Variants in AFP observed in about 807,000 individuals in gnomAD.
AFP encodes alpha-fetoprotein.
Under a neutral mutation model 78.9 loss-of-function variants are expected in AFP, and 64 were observed. That is an observed-to-expected ratio of 0.81 (90% confidence interval 0.66 to 1.00). The LOEUF is 1.00. AFP is among the 50% of genes least tolerant of loss of function. The pLI is 0.00. For synonymous variants in AFP, 254 were observed against 243.8 expected, an observed-to-expected ratio of 1.04 and a Z score of -0.39; for missense variants, 689 against 703.8, an observed-to-expected ratio of 0.98 and a Z score of 0.24.
At position 73,454,400 on chromosome 4, in the gene AFP, A is replaced by G. The variant is rs111421274; in HGVS notation, c.1785+503A>G. On this transcript the variant is annotated intron_variant, in intron 13 of 14. Coordinates refer to ENST00000395792, the MANE Select transcript of AFP (RefSeq NM_001134.3). Reference sequence around the variant, plus strand: ...TGGATAATTAGCCAGATTTTCTTTAACCAGGGGATTCTACCTAACATTTAA... The same window carrying G: ...TGGATAATTAGCCAGATTTTCTTTAGCCAGGGGATTCTACCTAACATTTAA... 6.5e-3 allele frequency among the ~76,000 whole-genome samples: 982 copies of G among 152,146 alleles called. 10 individuals are homozygous for G. Among genetic ancestry groups the G allele is most frequent in the African/African-American group, 0.023 (936 of 41,546 alleles).
At chr4:73,455,187 G>A in intron 13 of AFP, 49 bp from the exon 14 acceptor site, 2 of 1,361,334 alleles carry the variant, frequency 1.5e-6, no homozygotes, top group African/African-American at 1.4e-5. Flanking sequence ...TGTATGATTG[G>A]TATAATAATC....
Position 73,449,834 on chromosome 4 carries a change from A to G in AFP, c.1192-202A>G, listed in dbSNP as rs189411859. Among the ~76,000 whole-genome samples the G allele has an allele frequency of 1.7e-3, 252 of 152,310 alleles. 3 individuals are homozygous for G. In the Middle Eastern group the frequency reaches 0.034, roughly 21 times the overall value. On this transcript the variant is annotated intron_variant, in intron 9 of 14. Coordinates refer to ENST00000395792, the MANE Select transcript of AFP (RefSeq NM_001134.3). ...TCCAAAGATTGAGTTTTGCCATTAA[A>G]TGATTTTGTGATTTATAAAATGTTA... is the stretch of plus-strand genomic sequence containing the variant.
chr4:73,442,389 C>T lies in AFP; in HGVS notation c.576C>T (p.Cys192=), dbSNP rs757145276. The change falls in exon 5 of 15, where the codon TGC becomes TGT. Residue 192 remains cysteine, a synonymous_variant. Transcript: ENST00000395792. ...AARYDKIIPS[C]CKAENAVECF... Reference sequence around the variant, plus strand: ...GCTATGACAAAATAATTCCATCTTGCTGCAAAGCTGAAAATGCAGTTGAAT... The same window carrying T: ...GCTATGACAAAATAATTCCATCTTGTTGCAAAGCTGAAAATGCAGTTGAAT... 12 of 1,613,966 alleles carry T rather than the reference C, an allele frequency of 7.4e-6. No individual in the cohort carries two copies. The Admixed American group carries it at 2.0e-4, about 27-fold the overall frequency.
rs35924362 is a variant in AFP, at chr4:73,442,407, A to C, written c.594A>C (p.Ala198=). ...CATCTTGCTGCAAAGCTGAAAATGCAGTTGAATGCTTCCAAACAAAGGTAT... is the reference window on the plus strand; with the variant it reads ...CATCTTGCTGCAAAGCTGAAAATGCCGTTGAATGCTTCCAAACAAAGGTAT... ...IIPSCCKAEN[A]VECFQTKAAT... The change falls in exon 5 of 15, where the codon GCA becomes GCC. Residue 198 remains alanine, a synonymous_variant. Transcript: ENST00000395792. 7,853 of 1,614,088 alleles carry C rather than the reference A, an allele frequency of 4.9e-3. 31 individuals are homozygous for C. Among genetic ancestry groups the C allele is most frequent in the Non-Finnish European group, 5.7e-3 (6,710 of 1,179,990 alleles).
At chr4:73,450,815 A>C in intron 11 of AFP, 62 bp downstream of exon 11, 2 of 1,610,980 alleles carry the variant, frequency 1.2e-6, no homozygotes, top group African/African-American at 2.7e-5. Context: ...AAATAGCCTC[A>C]TAATTCCCCT....
At chr4:73,450,934 A>G (rs1719974689) in intron 11 of AFP, among the ~76,000 whole-genome samples, 181 bp downstream of exon 11, 1 of 152,236 alleles carries the variant, frequency 6.6e-6, no homozygotes, top group South Asian at 2.1e-4. Flanking sequence ...GCATGTGGCC[A>G]TGCTTCCTAT....
rs150170033 is a variant in AFP, at chr4:73,454,557, A to C, written c.1785+660A>C. ...ATTATCACAATCAAGATAATTGGCT[A>C]AATTTTACAAATCTTTAGTTTGTAT... On this transcript the variant is annotated intron_variant, in intron 13 of 14. Coordinates refer to ENST00000395792, the MANE Select transcript of AFP (RefSeq NM_001134.3). Among the ~76,000 whole-genome samples, 873 of 152,300 alleles carry C rather than the reference A, an allele frequency of 5.7e-3. 3 individuals carry two copies. The highest frequency in any genetic ancestry group is 0.019 in the African/African-American group (777 of 41,580).
intron 7 of AFP, among the ~76,000 whole-genome samples, chr4:73,446,599 ATTAT>A: frequency 6.7e-6 from 1 of 148,468 alleles, no homozygotes; most frequent in Non-Finnish European, 1.5e-5. Context: ...GATAAAGATG[ATTAT>A]CATTCTTACG....
At chr4:73,455,182 G>A (rs2149337617) in intron 13 of AFP, 54 bp from the exon 14 acceptor site, 2 of 1,338,078 alleles carry the variant, frequency 1.5e-6, no homozygotes, top group East Asian at 2.3e-5. Flanking sequence ...TTAACTGTAT[G>A]ATTGGTATAA....
Position 73,450,035 on chromosome 4 carries a change from G to A in AFP, c.1192-1G>A. 2 of 1,608,416 alleles carry A rather than the reference G, an allele frequency of 1.2e-6. No individual in the cohort carries two copies. The highest frequency in any genetic ancestry group is 1.7e-6 in the Non-Finnish European group (2 of 1,175,426). ...TATATGTAATAATTCTTCATTTTCAGGAAGAAGAATTACAGAAATACATCC... is the reference window on the plus strand; with the variant it reads ...TATATGTAATAATTCTTCATTTTCAAGAAGAAGAATTACAGAAATACATCC... On this transcript the variant is annotated splice_acceptor_variant, in intron 9 of 14. Transcript: ENST00000395792. LOFTEE classifies it high-confidence loss of function.
intron 4 of AFP, among the ~76,000 whole-genome samples, chr4:73,441,121 G>T (rs1393389711): frequency 6.6e-6 from 1 of 151,420 alleles, no homozygotes; most frequent in Non-Finnish European, 1.5e-5. Flanking sequence ...CCTTGTTCAA[G>T]AATATATTAG....
chr4:73,444,598 A>G lies in AFP; in HGVS notation c.714-395A>G, dbSNP rs116061945. On this transcript the variant is annotated intron_variant, in intron 6 of 14. Coordinates refer to ENST00000395792, the MANE Select transcript of AFP (RefSeq NM_001134.3). ...ACGCCTCCTTTCCTGGATTCTCAGA[A>G]GTATTTTTTACCCCAGTAAAAAATG... Among the ~76,000 whole-genome samples, 480 of 152,272 alleles carry G rather than the reference A, an allele frequency of 3.2e-3. 4 individuals are homozygous for G. Among genetic ancestry groups the G allele is most frequent in the African/African-American group, 0.01 (428 of 41,554 alleles).
chr4:73,445,800 A>T (rs943618451), intron 7 of AFP, among the ~76,000 whole-genome samples: 1 of 152,174 alleles, frequency 6.6e-6, no homozygotes, highest in Non-Finnish European at 1.5e-5. Flanking sequence ...AAACCCAGCA[A>T]CAGTTTCTTG....
At chr4:73,450,533 T>C (rs757067689) in intron 10 of AFP, 82 bp from the exon 11 acceptor site, 3 of 1,594,914 alleles carry the variant, frequency 1.9e-6, no homozygotes, top group Admixed American at 3.4e-5. Flanking sequence ...GGCATGAGAG[T>C]AGAGAGTCTG....
At chr4:73,437,102 G>T in intron 1 of AFP, 58 bp from the exon 2 acceptor site, 1 of 1,270,536 alleles carries the variant, frequency 7.9e-7, no homozygotes, top group South Asian at 1.2e-5. Context: ...ATGTAACAAT[G>T]ATTACTTTCT....
In AFP at chr4:73,440,606, C is replaced by T; in HGVS notation, c.275C>T (p.Pro92Leu). ...AACATAAAATATTTCTTATAGCTAC[C>T]TGCCTTTCTGGAAGAACTTTGCCAT... ...QSSGCLENQL[P>L]AFLEELCHEK... The change falls in exon 4 of 15, where the codon CCT becomes CTT. Residue 92 changes from proline to leucine, a missense_variant. Pro to Leu is a moderately conservative substitution (Grantham distance 98). Coordinates refer to ENST00000395792, the MANE Select transcript of AFP (RefSeq NM_001134.3). 1.2e-6 allele frequency: 2 copies of T among 1,613,264 alleles called. No individual in the cohort carries two copies. The highest frequency in any genetic ancestry group is 1.7e-6 in the Non-Finnish European group (2 of 1,179,246).
At chr4:73,438,347 A>G in intron 3 of AFP, 41 bp downstream of exon 3, 1 of 1,578,342 alleles carries the variant, frequency 6.3e-7, no homozygotes, top group South Asian at 1.1e-5. Context: ...ATATTTGACA[A>G]AAATTTAGCA....
At chr4:73,438,136 G>A in intron 2 of AFP, 38 bp from the exon 3 acceptor site, 3 of 1,612,134 alleles carry the variant, frequency 1.9e-6, no homozygotes, top group Non-Finnish European at 2.5e-6. Flanking sequence ...CTTGCTGCAG[G>A]TCTGTTCCTT....
intron 5 of AFP, among the ~76,000 whole-genome samples, chr4:73,442,823 A>T (rs753919002): frequency 6.6e-6 from 1 of 152,118 alleles, no homozygotes; most frequent in Non-Finnish European, 1.5e-5. Flanking sequence ...CCTTAGAACA[A>T]ATTTGAGGTG....
Sources: gnomAD v4.1 joint callset for allele counts (sites outside exome capture counted in the v4.1 genomes callset) on GRCh38, gnomAD v4.1.1 for gene constraint, MANE v1.5 for transcripts, NCBI Gene and HGNC (gene_info 2026-07-23, HGNC 2026-07-21) for gene names.